Variants in NCK1 observed in about 807,000 individuals in gnomAD.
NCK1 encodes SH2/SH3 adapter protein NCK1.
NCK1 carries 19 observed loss-of-function variants against 36.6 expected under a neutral mutation model. The observed-to-expected ratio is 0.52, with a 90% CI of 0.36 to 0.76. NCK1 has a LOEUF of 0.76. NCK1 is among the 30% of genes least tolerant of loss of function. The probability of loss-of-function intolerance (pLI) is 0.00; values close to 1 mark genes in which losing one functional copy is unlikely to be tolerated. For missense variants in NCK1, 358 were observed against 445.6 expected (o/e 0.80, Z 1.77); for synonymous variants, 165 against 156.0 (o/e 1.06, Z -0.43).
At chr3:136,879,923 G>A (rs1275990096) in intron 1 of NCK1, among the ~76,000 whole-genome samples, 2 of 150,298 alleles carry the variant, frequency 1.3e-5, no homozygotes, top group Admixed American at 6.7e-5. Flanking sequence ...GCAAACCAAC[G>A]TGGCACGTGT....
chr3:136,923,351 C>T (rs1339949366), intron 1 of NCK1, among the ~76,000 whole-genome samples: 2 of 151,992 alleles, frequency 1.3e-5, no homozygotes, highest in African/African-American at 2.4e-5. Context: ...GTCAGGAGAT[C>T]GAAACCATCC....
chr3:136,897,153 A>G (rs1939411062), intron 1 of NCK1, among the ~76,000 whole-genome samples: 1 of 152,056 alleles, frequency 6.6e-6, no homozygotes, highest in Admixed American at 6.6e-5. Flanking sequence ...CAGTGGTGTG[A>G]TCTTAGCTCA....
intron 1 of NCK1, among the ~76,000 whole-genome samples, chr3:136,910,507 A>G (rs1325497087): frequency 6.6e-6 from 1 of 152,254 alleles, no homozygotes; most frequent in Non-Finnish European, 1.5e-5. Context: ...GTTACAAACT[A>G]AAGTTACAGT....
intron 1 of NCK1, among the ~76,000 whole-genome samples, chr3:136,869,032 G>A (rs1224770628): frequency 6.6e-6 from 1 of 152,024 alleles, no homozygotes; most frequent in Non-Finnish European, 1.5e-5. Flanking sequence ...GAGTCCAGGA[G>A]TTTGAGACCA....
At chr3:136,920,718 G>A (rs1224085964) in intron 1 of NCK1, among the ~76,000 whole-genome samples, 1 of 152,022 alleles carries the variant, frequency 6.6e-6, no homozygotes, top group Admixed American at 6.6e-5. Context: ...AAACGTAAGA[G>A]CAATAATCTT....
At chr3:136,915,928 G>A (rs1576975250) in intron 1 of NCK1, among the ~76,000 whole-genome samples, 3 of 152,062 alleles carry the variant, frequency 2.0e-5, no homozygotes, top group East Asian at 3.9e-4. Flanking sequence ...GTTTCACCAC[G>A]TTGGCCATGC....
At chr3:136,904,653 C>A (rs192258915) in intron 1 of NCK1, among the ~76,000 whole-genome samples, 29 of 152,232 alleles carry the variant, frequency 1.9e-4, no homozygotes, top group African/African-American at 6.5e-4. Context: ...TTTGTATTTA[C>A]TGAGAGATCC....
chr3:136,866,263 C>T (rs1184851906), intron 1 of NCK1, among the ~76,000 whole-genome samples: 1 of 151,862 alleles, frequency 6.6e-6, no homozygotes, highest in Non-Finnish European at 1.5e-5. Context: ...TTCTTATTTA[C>T]TCTTTGTATT....
At chr3:136,901,858 T>G (rs868238151) in intron 1 of NCK1, among the ~76,000 whole-genome samples, 1 of 152,148 alleles carries the variant, frequency 6.6e-6, no homozygotes, top group Non-Finnish European at 1.5e-5. Flanking sequence ...AAAAAAGTCG[T>G]TTCATTTAGT....
At chr3:136,927,868 C>A in intron 1 of NCK1, 116 bp from the exon 2 acceptor site, 1 of 767,094 alleles carries the variant, frequency 1.3e-6, no homozygotes. Flanking sequence ...TATTTTTTTC[C>A]ATATTTTTTA....
chr3:136,908,841 A>T (rs1939761481), intron 1 of NCK1, among the ~76,000 whole-genome samples: 1 of 152,250 alleles, frequency 6.6e-6, no homozygotes, highest in Non-Finnish European at 1.5e-5. Context: ...AGTGGGATAT[A>T]TACAGTATAG....
chr3:136,947,397 T>C (rs1333418357), intron 3 of NCK1, among the ~76,000 whole-genome samples: 1 of 152,180 alleles, frequency 6.6e-6, no homozygotes, highest in African/African-American at 2.4e-5. Flanking sequence ...TTGTGGGTAA[T>C]TGAGTGTAGA....
chr3:136,927,936 C>A, intron 1 of NCK1, 48 bp from the exon 2 acceptor site: 1 of 1,307,524 alleles, frequency 7.6e-7, no homozygotes, highest in South Asian at 1.3e-5. Context: ...AGCATGTGAA[C>A]TAATACTACC....
intron 1 of NCK1, among the ~76,000 whole-genome samples, chr3:136,873,021 C>T (rs1212321533): frequency 6.6e-6 from 1 of 152,166 alleles, no homozygotes; most frequent in African/African-American, 2.4e-5. Context: ...GGTCAGAGCC[C>T]CCACACAGAG....
chr3:136,895,838 T>TA (rs1405036580), intron 1 of NCK1, among the ~76,000 whole-genome samples: 2 of 152,222 alleles, frequency 1.3e-5, no homozygotes, highest in African/African-American at 4.8e-5. Flanking sequence ...GTGCTGGGAT[T>TA]ACAGGTATGA....
At chr3:136,885,439 G>C (rs1240883616) in intron 1 of NCK1, among the ~76,000 whole-genome samples, 1 of 152,108 alleles carries the variant, frequency 6.6e-6, no homozygotes, top group Non-Finnish European at 1.5e-5. Flanking sequence ...TACGTAGCTG[G>C]AACTATAGGT....
At chr3:136,889,623 T>C (rs1023820380) in intron 1 of NCK1, among the ~76,000 whole-genome samples, 2 of 152,106 alleles carry the variant, frequency 1.3e-5, no homozygotes, top group Admixed American at 6.5e-5. Context: ...TTGGTAGAGC[T>C]GAGTGGTCTG....
Position 136,931,975 on chromosome 3 carries a change from C to T in NCK1, c.226+3748C>T, listed in dbSNP as rs1003763193. Among the ~76,000 whole-genome samples, 16 of 152,184 alleles carry T rather than the reference C, an allele frequency of 1.1e-4. No homozygotes were observed. In the East Asian group the frequency reaches 2.1e-3, roughly 20 times the overall value. ...TCTCTACTAAAAATGCAAACATTAG[C>T]TGGGCGTGGTGGCGGGTGCCTGTAA... On this transcript the variant is annotated intron_variant, in intron 2 of 3. Coordinates refer to ENST00000481752, the MANE Select transcript of NCK1 (RefSeq NM_001291999.2).
chr3:136,867,171 TCCTTCCTTC>T (rs1938467389), intron 1 of NCK1, among the ~76,000 whole-genome samples: 1 of 55,938 alleles, frequency 1.8e-5, no homozygotes, highest in Admixed American at 2.1e-4. Flanking sequence ...CTTCCTTCCT[TCCTTCCTTC>T]TTTCTTTCTT....
Sources: gnomAD v4.1 joint callset for allele counts (sites outside exome capture counted in the v4.1 genomes callset) on GRCh38, gnomAD v4.1.1 for gene constraint, MANE v1.5 for transcripts, NCBI Gene and HGNC (gene_info 2026-07-23, HGNC 2026-07-21) for gene names.